GLYATL2: variants seen among roughly 807,000 people sequenced by gnomAD.
GLYATL2 encodes glycine N-acyltransferase-like protein 2.
GLYATL2 carries 25 observed loss-of-function variants against 21.4 expected under a neutral mutation model. The observed-to-expected ratio is 1.17, with a 90% CI of 0.85 to 1.63. GLYATL2 has a LOEUF of 1.63. Ranked by LOEUF, GLYATL2 falls within the 40% of genes most tolerant of loss-of-function variation. The pLI is 0.00. For synonymous variants in GLYATL2, 114 were observed against 118.2 expected, an observed-to-expected ratio of 0.96 and a Z score of 0.23; for missense variants, 361 against 343.3, an observed-to-expected ratio of 1.05 and a Z score of -0.41.
At chr11:58,840,514 C>A (rs1395978267) in intron 1 of GLYATL2, among the ~76,000 whole-genome samples, 1 of 152,008 alleles carries the variant, frequency 6.6e-6, no homozygotes, top group African/African-American at 2.4e-5. Flanking sequence ...GTTACAAAGT[C>A]AGGAAAACAT....
At chr11:58,904,642 G>C (rs1854815832), upstream of GLYATL2, among the ~76,000 whole-genome samples, 1 of 152,198 alleles carries the variant, frequency 6.6e-6, no homozygotes, top group African/African-American at 2.4e-5. Flanking sequence ...ATTTGAGAAA[G>C]CTGTCTTTAC....
intron 1 of GLYATL2, among the ~76,000 whole-genome samples, chr11:58,896,578 G>A (rs1854638765): frequency 6.6e-6 from 1 of 152,116 alleles, no homozygotes; most frequent in Admixed American, 6.5e-5. Context: ...TGTCACTTTA[G>A]CCTGATGAAT....
chr11:58,864,251 C>T (rs1853984719), intron 1 of GLYATL2, among the ~76,000 whole-genome samples: 1 of 152,144 alleles, frequency 6.6e-6, no homozygotes, highest in African/African-American at 2.4e-5. Flanking sequence ...GGTCTGAAAC[C>T]TTGAGTTGTG....
At chr11:58,870,524 C>T (rs116701876) in intron 1 of GLYATL2, among the ~76,000 whole-genome samples, 81 of 152,202 alleles carry the variant, frequency 5.3e-4, no homozygotes, top group Middle Eastern at 3.4e-3. Context: ...TCTGGTTTTC[C>T]ATTGAGAAAA....
intron 1 of GLYATL2, among the ~76,000 whole-genome samples, chr11:58,874,975 A>G (rs1034237456): frequency 6.6e-6 from 1 of 152,080 alleles, no homozygotes; most frequent in South Asian, 2.1e-4. Flanking sequence ...GGGTGCTCCT[A>G]TATTGGGTGC....
intron 1 of GLYATL2, among the ~76,000 whole-genome samples, chr11:58,869,542 A>G (rs1413647223): frequency 1.3e-5 from 2 of 152,216 alleles, no homozygotes; most frequent in African/African-American, 2.4e-5. Flanking sequence ...GTGAGACTGT[A>G]TTACTATCTC....
upstream of GLYATL2, among the ~76,000 whole-genome samples, chr11:58,846,022 T>C (rs1367334596): frequency 6.6e-6 from 1 of 152,176 alleles, no homozygotes; most frequent in Non-Finnish European, 1.5e-5. Context: ...ATTTTACATA[T>C]TCATAATTGT....
intron 1 of GLYATL2, among the ~76,000 whole-genome samples, chr11:58,843,551 A>G (rs1394463717): frequency 2.0e-5 from 3 of 152,196 alleles, no homozygotes; most frequent in Non-Finnish European, 4.4e-5. Flanking sequence ...AAGATAAGGT[A>G]CAAAGCATTT....
In GLYATL2 at chr11:58,853,350, G is replaced by A. The variant is rs367583558; in HGVS notation, n.61-14982C>T. Among the ~76,000 whole-genome samples, 8 of 152,254 alleles carry A rather than the reference G, an allele frequency of 5.3e-5. No homozygotes were observed. The East Asian group carries it at 1.5e-3, about 29-fold the overall frequency. ...GGTTCCACATCTGCAACCAAATACA[G>A]ATCAAAAATAAAGTATTTGCAGGAT... On this transcript the variant is annotated intron_variant and non_coding_transcript_variant, in intron 1 of 4. Transcript: ENST00000533636.
At chr11:58,883,167 T>C (rs1251376753) in intron 1 of GLYATL2, among the ~76,000 whole-genome samples, 6 of 152,336 alleles carry the variant, frequency 3.9e-5, no homozygotes, top group South Asian at 2.1e-4. Flanking sequence ...TTTCACAATA[T>C]TGATTCTTTC....
chr11:58,872,729 G>C (rs555902848), intron 1 of GLYATL2, among the ~76,000 whole-genome samples: 2 of 152,344 alleles, frequency 1.3e-5, no homozygotes, highest in African/African-American at 4.8e-5. Flanking sequence ...GATGCCTCCA[G>C]CTTTGTTCTT....
intron 1 of GLYATL2, among the ~76,000 whole-genome samples, chr11:58,877,254 G>T (rs960288598): frequency 6.6e-6 from 1 of 152,178 alleles, no homozygotes; most frequent in South Asian, 2.1e-4. Context: ...GCGATGCCTC[G>T]CCCTGCTTTG....
intron 1 of GLYATL2, among the ~76,000 whole-genome samples, chr11:58,891,250 AC>A (rs748239939): frequency 5.9e-5 from 9 of 152,116 alleles, no homozygotes; most frequent in Non-Finnish European, 1.2e-4. Context: ...AACCTCTCAC[AC>A]TTATTGTTTA....
At chr11:58,872,264 G>T (rs1159568737) in intron 1 of GLYATL2, among the ~76,000 whole-genome samples, 2 of 152,136 alleles carry the variant, frequency 1.3e-5, no homozygotes, top group African/African-American at 4.8e-5. Context: ...GGTTTCTTTT[G>T]CTGTGCAGAA....
intron 1 of GLYATL2, among the ~76,000 whole-genome samples, chr11:58,860,116 A>G (rs1853905096): frequency 6.6e-6 from 1 of 152,116 alleles, no homozygotes; most frequent in Admixed American, 6.6e-5. Flanking sequence ...TTGTGATTAC[A>G]CATACATTTT....
intron 1 of GLYATL2, chr11:58,893,186 G>A: frequency 2.9e-6 from 1 of 347,414 alleles, no homozygotes; most frequent in Non-Finnish European, 5.5e-6. Flanking sequence ...TGTATCCTGG[G>A]TCCACAGGGG....
At chr11:58,845,686 A>G (rs1021516837), upstream of GLYATL2, among the ~76,000 whole-genome samples, 1 of 152,196 alleles carries the variant, frequency 6.6e-6, no homozygotes, top group Non-Finnish European at 1.5e-5. Flanking sequence ...AGCAAGAGTT[A>G]TTTTTACACA....
At chr11:58,857,595 C>T (rs1363629956) in intron 1 of GLYATL2, among the ~76,000 whole-genome samples, 5 of 152,184 alleles carry the variant, frequency 3.3e-5, no homozygotes, top group African/African-American at 4.8e-5. Flanking sequence ...CCAGGACACA[C>T]GCGTGAACCA....
intron 1 of GLYATL2, among the ~76,000 whole-genome samples, chr11:58,900,480 C>G (rs1041280415): frequency 6.6e-6 from 1 of 152,188 alleles, no homozygotes; most frequent in African/African-American, 2.4e-5. Flanking sequence ...CTCTCCACTC[C>G]TACTCCCGCC....
Sources: allele counts gnomAD v4.1 joint callset (sites outside exome capture counted in the v4.1 genomes callset), GRCh38; gene constraint gnomAD v4.1.1; transcripts MANE v1.5; gene names NCBI Gene and HGNC (gene_info 2026-07-23, HGNC 2026-07-21).